The following CEP112 variants were observed in gnomAD, a reference collection of about 807,000 sequenced individuals.
CEP112 encodes centrosomal protein of 112 kDa.
A neutral mutation model predicts 153.0 loss-of-function variants in CEP112; 127 were observed. The observed-to-expected ratio is 0.83, with a 90% CI of 0.72 to 0.96. CEP112 has a LOEUF of 0.96. CEP112 is among the 40% of genes least tolerant of loss of function. The pLI, the probability that CEP112 is intolerant of heterozygous loss-of-function variation, is 0.00. For synonymous variants in CEP112, 358 were observed against 374.4 expected (o/e 0.96, Z 0.51); for missense variants, 1,089 against 1,101.2 (o/e 0.99, Z 0.16).
At chr17:65,721,695 G>A (rs187888751) in intron 23 of CEP112, among the ~76,000 whole-genome samples, 110 of 152,276 alleles carry the variant, frequency 7.2e-4, no homozygotes, top group African/African-American at 2.6e-3. Context: ...CCACATCTAT[G>A]AGGCTGCAAG....
chr17:65,830,394 A>G lies in CEP112; in HGVS notation c.2394+21410T>C, dbSNP rs112470080. On this transcript the variant is annotated intron_variant, in intron 21 of 26. Transcript: ENST00000535342. The stretch of plus-strand genomic sequence containing the variant: ...CAAAATTTCTCTAGATTCAGTTTCC[A>G]AGGTAAGAGGTTGTAGACATTAGAT... Among the ~76,000 whole-genome samples the G allele has an allele frequency of 8.3e-3, 1,263 of 152,330 alleles. 17 individuals are homozygous for G. The highest frequency in any genetic ancestry group is 0.029 in the African/African-American group (1,191 of 41,576).
At chr17:66,102,982 G>A (rs1349122760) in intron 6 of CEP112, among the ~76,000 whole-genome samples, 3 of 152,026 alleles carry the variant, frequency 2.0e-5, no homozygotes, top group South Asian at 4.1e-4. Flanking sequence ...CCAGCACTTT[G>A]GGAGGCTGAG....
At chr17:65,848,689 C>G (rs1013835139) in intron 21 of CEP112, among the ~76,000 whole-genome samples, 1 of 152,204 alleles carries the variant, frequency 6.6e-6, no homozygotes, top group Non-Finnish European at 1.5e-5. Flanking sequence ...AGCATTCTTT[C>G]AACAGCAAGG....
chr17:65,803,125 T>C (rs2055378128), intron 21 of CEP112, among the ~76,000 whole-genome samples: 1 of 152,236 alleles, frequency 6.6e-6, no homozygotes, highest in African/African-American at 2.4e-5. Context: ...GAGATAGAGA[T>C]GCCAGAGGAG....
At chr17:66,055,190 C>A (rs1026420168) in intron 11 of CEP112, among the ~76,000 whole-genome samples, 3 of 152,210 alleles carry the variant, frequency 2.0e-5, no homozygotes, top group East Asian at 3.9e-4. Flanking sequence ...GAAGCTAGGG[C>A]AGAATGCAGG....
In CEP112 at chr17:66,183,243, G is replaced by C; in HGVS notation, c.57C>G (p.His19Gln). The change falls in exon 2 of 27, where the codon CAC becomes CAG. Residue 19 changes from histidine (H) to glutamine (Q), a missense_variant. His to Gln is a conservative substitution (Grantham distance 24). Transcript: ENST00000535342. The part of the protein sequence containing the change: ...KWEKLDAEFD[H>Q]FVVDMKPFVL... ...CAAAGGGCTTCATATCAACCACAAAGTGATCAAATTCTGCATCCAGCTTCT... is the reference window on the plus strand; with the variant it reads ...CAAAGGGCTTCATATCAACCACAAACTGATCAAATTCTGCATCCAGCTTCT... The C allele has an allele frequency of 1.2e-6, 2 of 1,612,450 alleles. No individual in the cohort carries two copies. Among genetic ancestry groups the C allele is most frequent in the African/African-American group, 2.7e-5 (2 of 74,940 alleles).
chr17:66,140,796 C>A lies in CEP112; in HGVS notation c.471-8033G>T, dbSNP rs536193421. Among the ~76,000 whole-genome samples the A allele has an allele frequency of 6.6e-5, 10 of 152,142 alleles. No homozygotes were observed. The South Asian group carries it at 1.9e-3, about 28-fold the overall frequency. On this transcript the variant is annotated intron_variant, in intron 4 of 26. Coordinates refer to ENST00000535342, the MANE Select transcript of CEP112 (RefSeq NM_001199165.4). ...GGGATTACAGGCACACACCACCACG[C>A]CTGGCTAATTTTTTTTTTATTTTTA...
intron 24 of CEP112, among the ~76,000 whole-genome samples, chr17:65,650,746 A>AT (rs2045716871): frequency 6.6e-6 from 1 of 150,874 alleles, no homozygotes; most frequent in Non-Finnish European, 1.5e-5. Context: ...AAAAAAAAAA[A>AT]AAAAAAAAAA....
intron 18 of CEP112, among the ~76,000 whole-genome samples, chr17:65,957,610 ATATT>A: frequency 6.6e-6 from 1 of 152,222 alleles, no homozygotes; most frequent in Admixed American, 6.5e-5. Context: ...TATAAATAGT[ATATT>A]TATGGATTTC....
chr17:65,797,080 A>G (rs1380349515), intron 21 of CEP112: 1 of 152,184 alleles, frequency 6.6e-6, no homozygotes. Context: ...AACAACAACA[A>G]CAACAACAAA....
chr17:66,083,930 T>C (rs2067821862), intron 8 of CEP112, among the ~76,000 whole-genome samples: 1 of 152,094 alleles, frequency 6.6e-6, no homozygotes, highest in Admixed American at 6.6e-5. Context: ...CTGAAAGAGA[T>C]CTAATATTTA....
At chr17:65,970,540 A>T (rs5015874) in intron 17 of CEP112, among the ~76,000 whole-genome samples, 3,633 of 122,516 alleles carry the variant, frequency 0.03, 22 homozygotes, top group South Asian at 0.071. Context: ...ATAACACATG[A>T]ATATTACATG....
chr17:65,815,472 A>T (rs2056214819), intron 21 of CEP112, among the ~76,000 whole-genome samples: 1 of 152,058 alleles, frequency 6.6e-6, no homozygotes, highest in Non-Finnish European at 1.5e-5. Context: ...CCCCAACTCC[A>T]TTCTTTTCCA....
At chr17:66,186,893 G>C (rs938231586) in intron 1 of CEP112, among the ~76,000 whole-genome samples, 1 of 152,106 alleles carries the variant, frequency 6.6e-6, no homozygotes, top group African/African-American at 2.4e-5. Flanking sequence ...TAATAGTCAG[G>C]TGGTACCACC....
At chr17:65,989,139 G>A (rs763507532) in intron 17 of CEP112, among the ~76,000 whole-genome samples, 1 of 151,362 alleles carries the variant, frequency 6.6e-6, no homozygotes, top group South Asian at 2.1e-4. Flanking sequence ...GGAGGCTGAG[G>A]CAGAAGAATG....
chr17:66,059,517 CA>C (rs2066838622), intron 11 of CEP112, among the ~76,000 whole-genome samples: 1 of 152,128 alleles, frequency 6.6e-6, no homozygotes, highest in South Asian at 2.1e-4. Context: ...CAAAAAAAGA[CA>C]TACAAGTGGC....
intron 23 of CEP112, among the ~76,000 whole-genome samples, chr17:65,699,376 TA>T (rs1292953952): frequency 6.6e-6 from 1 of 152,206 alleles, no homozygotes; most frequent in African/African-American, 2.4e-5. Context: ...CCTTAAGCTA[TA>T]TTTCCTCTCA....
chr17:65,959,133 C>A (rs1299501400), intron 18 of CEP112, among the ~76,000 whole-genome samples: 1 of 152,042 alleles, frequency 6.6e-6, no homozygotes, highest in African/African-American at 2.4e-5. Context: ...CACTCCATGG[C>A]CTCCTCTCTA....
At chr17:66,075,976 C>T (rs2067478874) in intron 8 of CEP112, among the ~76,000 whole-genome samples, 1 of 152,102 alleles carries the variant, frequency 6.6e-6, no homozygotes, top group Admixed American at 6.5e-5. Flanking sequence ...GAGACATTTC[C>T]GACCTTACCC....
Sources: allele counts gnomAD v4.1 joint callset (sites outside exome capture counted in the v4.1 genomes callset), GRCh38; gene constraint gnomAD v4.1.1; transcripts MANE v1.5; gene names NCBI Gene and HGNC (gene_info 2026-07-23, HGNC 2026-07-21).